Variants in TMEM163 observed in about 807,000 individuals in gnomAD.
TMEM163 encodes transmembrane protein 163.
TMEM163 carries 17 observed loss-of-function variants against 29.3 expected under a neutral mutation model. The ratio of observed to expected loss-of-function variants is 0.58; its 90% confidence interval spans 0.40 to 0.87. TMEM163 has a LOEUF of 0.87. Among genes scored for constraint, TMEM163 ranks in the 40% least tolerant of loss-of-function variants. The pLI, the probability that TMEM163 is intolerant of heterozygous loss-of-function variation, is 0.00. For synonymous variants in TMEM163, 157 were observed against 160.6 expected, an observed-to-expected ratio of 0.98 and a Z score of 0.17; for missense variants, 303 against 381.5, an observed-to-expected ratio of 0.79 and a Z score of 1.71.
At chr2:134,489,526 G>A (rs921618406) in intron 5 of TMEM163, among the ~76,000 whole-genome samples, 12 of 150,184 alleles carry the variant, frequency 8.0e-5, no homozygotes, top group Admixed American at 3.3e-4. Flanking sequence ...ACAGTGAGCC[G>A]AGATCGCACC....
rs554347512 is a variant in TMEM163 at position 134,676,560 on chromosome 2, G to A, written c.322+36640C>T. On this transcript the variant is annotated intron_variant, in intron 2 of 7. Coordinates refer to ENST00000281924, the MANE Select transcript of TMEM163 (RefSeq NM_030923.5). ...AGTGTACAATTCAATGGTTTTTAGT[G>A]TATTCAGAACTGTACAACCATCAGC... is the stretch of plus-strand genomic sequence containing the variant. Among the ~76,000 whole-genome samples, 17 of 152,192 alleles carry A rather than the reference G, an allele frequency of 1.1e-4. No homozygotes were observed. The South Asian group carries it at 3.5e-3, about 32-fold the overall frequency.
chr2:134,514,553 C>T (rs953908319), intron 4 of TMEM163, among the ~76,000 whole-genome samples: 3 of 152,140 alleles, frequency 2.0e-5, no homozygotes, highest in Admixed American at 6.5e-5. Context: ...ATGGTCAATG[C>T]AGTTCACGCA....
At chr2:134,488,047 G>T (rs1558919697) in intron 5 of TMEM163, among the ~76,000 whole-genome samples, 1 of 151,454 alleles carries the variant, frequency 6.6e-6, no homozygotes, top group Non-Finnish European at 1.5e-5. Flanking sequence ...CACCAAAATG[G>T]AAAGGGTGGG....
intron 2 of TMEM163, among the ~76,000 whole-genome samples, chr2:134,644,604 C>T (rs1683294432): frequency 6.6e-6 from 1 of 152,258 alleles, no homozygotes; most frequent in African/African-American, 2.4e-5. Context: ...ATACCTCATA[C>T]ATCAAAAATT....
At chr2:134,674,253 G>A (rs1213943555) in intron 2 of TMEM163, among the ~76,000 whole-genome samples, 1 of 151,736 alleles carries the variant, frequency 6.6e-6, no homozygotes, top group African/African-American at 2.4e-5. Flanking sequence ...TACATCACAG[G>A]TATCAGCCCA....
At chr2:134,642,879 G>A (rs1194642802) in intron 2 of TMEM163, among the ~76,000 whole-genome samples, 2 of 152,096 alleles carry the variant, frequency 1.3e-5, no homozygotes, top group Middle Eastern at 3.4e-3. Context: ...TTCAAAGGAC[G>A]TTAGATCATT....
chr2:134,592,588 T>C (rs541119641), intron 2 of TMEM163, among the ~76,000 whole-genome samples: 2 of 152,102 alleles, frequency 1.3e-5, no homozygotes, highest in African/African-American at 4.8e-5. Context: ...GGAGGGGGTA[T>C]AACAAGGCGT....
rs554904475 is a variant in TMEM163, at chr2:134,457,972, C to T, written c.809+60G>A. ...CCTGTCATTTCCTGACTGGGGAAGG[C>T]GGTGGAAAAGGGACACTCCTAGCTG... On this transcript the variant is annotated intron_variant, in intron 7 of 7. Transcript: ENST00000281924. The T allele has an allele frequency of 6.7e-4, 1,081 of 1,606,624 alleles. 1 individual carries two copies. Among genetic ancestry groups the T allele is most frequent in the East Asian group, 3.9e-3 (173 of 44,774 alleles).
intron 4 of TMEM163, among the ~76,000 whole-genome samples, chr2:134,543,289 C>T (rs185810007): frequency 2.0e-5 from 3 of 152,292 alleles, no homozygotes; most frequent in South Asian, 2.1e-4. Flanking sequence ...CTACTCAAAG[C>T]AGAGGAGCTC....
At chr2:134,463,404 G>A (rs77578898) in intron 6 of TMEM163, among the ~76,000 whole-genome samples, 1 of 152,344 alleles carries the variant, frequency 6.6e-6, no homozygotes, top group East Asian at 1.9e-4. Flanking sequence ...CAAAGCAGCA[G>A]ACTACAAAAA....
intron 3 of TMEM163, 26 bp downstream of exon 3, chr2:134,552,022 A>G: frequency 6.2e-7 from 1 of 1,610,522 alleles, no homozygotes; most frequent in South Asian, 1.1e-5. Context: ...GCAAAACTTG[A>G]TGAAAGTACA....
chr2:134,557,804 T>C (rs1435857647), intron 2 of TMEM163, among the ~76,000 whole-genome samples: 1 of 152,146 alleles, frequency 6.6e-6, no homozygotes, highest in African/African-American at 2.4e-5. Context: ...AGAATTTCTT[T>C]GTGGGCAAAT....
At chr2:134,582,989 G>A (rs1229727237) in intron 2 of TMEM163, among the ~76,000 whole-genome samples, 1 of 152,122 alleles carries the variant, frequency 6.6e-6, no homozygotes, top group Non-Finnish European at 1.5e-5. Flanking sequence ...TATAAAAATG[G>A]CACTAAAACA....
At chr2:134,714,396 A>G (rs996453319) in intron 1 of TMEM163, among the ~76,000 whole-genome samples, 5 of 152,230 alleles carry the variant, frequency 3.3e-5, no homozygotes, top group African/African-American at 1.2e-4. Context: ...AATTTGTAAA[A>G]TATCACACAG....
intron 2 of TMEM163, among the ~76,000 whole-genome samples, chr2:134,582,892 T>C (rs1681728269): frequency 6.6e-6 from 1 of 152,132 alleles, no homozygotes; most frequent in Admixed American, 6.5e-5. Flanking sequence ...TAAATTCCCT[T>C]CTACCTGCAA....
At chr2:134,683,402 A>G (rs1440300691) in intron 2 of TMEM163, among the ~76,000 whole-genome samples, 1 of 151,244 alleles carries the variant, frequency 6.6e-6, no homozygotes, top group African/African-American at 2.5e-5. Context: ...TGAACCTAAA[A>G]CTGCTCTAAA....
intron 5 of TMEM163, among the ~76,000 whole-genome samples, chr2:134,486,614 T>C (rs1361275211): frequency 6.6e-6 from 1 of 152,212 alleles, no homozygotes; most frequent in Non-Finnish European, 1.5e-5. Context: ...TAAAATATAT[T>C]GGATCTTCAA....
chr2:134,528,069 G>T (rs182261288), intron 4 of TMEM163, among the ~76,000 whole-genome samples: 70 of 152,212 alleles, frequency 4.6e-4, no homozygotes, highest in African/African-American at 1.6e-3. Flanking sequence ...AAGACAGAAC[G>T]AAAAAGAAAC....
intron 2 of TMEM163, among the ~76,000 whole-genome samples, chr2:134,642,858 C>A (rs555308585): frequency 4.6e-5 from 7 of 152,026 alleles, no homozygotes; most frequent in Non-Finnish European, 1.0e-4. Flanking sequence ...GGGATACAGA[C>A]AAAGCAGTGC....
Sources: allele counts gnomAD v4.1 joint callset (sites outside exome capture counted in the v4.1 genomes callset), GRCh38; gene constraint gnomAD v4.1.1; transcripts MANE v1.5; gene names NCBI Gene and HGNC (gene_info 2026-07-23, HGNC 2026-07-21).